GDAP1: variants seen among roughly 807,000 people sequenced by gnomAD.
GDAP1 encodes the protein ganglioside-induced differentiation-associated protein 1.
GDAP1 carries 34 observed loss-of-function variants against 40.1 expected under a neutral mutation model. The observed-to-expected ratio is 0.85, with a 90% CI of 0.64 to 1.13. The LOEUF is 1.13. GDAP1 is among the 50% of genes most tolerant of loss of function. The pLI, the probability that GDAP1 is intolerant of heterozygous loss-of-function variation, is 0.00. For missense variants in GDAP1, 374 were observed against 433.7 expected (o/e 0.86, Z 1.22); for synonymous variants, 170 against 157.4 (o/e 1.08, Z -0.60).
chr8:74,361,882 A>T lies in GDAP1; in HGVS notation c.485-2A>T. ...CTGTTTCCAAAATGTTTTTATTATC[A>T]GGCCAAATTGGAAACACAGAGTCTG... On this transcript the variant is annotated splice_acceptor_variant, in intron 3 of 5. Coordinates refer to ENST00000220822, the MANE Select transcript of GDAP1 (RefSeq NM_018972.4). LOFTEE classifies it high-confidence loss of function. 1 of 1,554,358 alleles carries T rather than the reference A, an allele frequency of 6.4e-7. No homozygotes were observed. The highest frequency in any genetic ancestry group is 2.2e-5 in the East Asian group (1 of 44,566).
intron 2 of GDAP1, among the ~76,000 whole-genome samples, chr8:74,404,741 T>C (rs552508360): frequency 6.7e-6 from 1 of 149,840 alleles, no homozygotes; most frequent in Non-Finnish European, 1.5e-5. Context: ...ATGTCAGTGT[T>C]ATCTCTCCTT....
chr8:74,352,545 A>G (rs1203468450), intron 2 of GDAP1, among the ~76,000 whole-genome samples: 2 of 152,248 alleles, frequency 1.3e-5, no homozygotes, highest in African/African-American at 2.4e-5. Flanking sequence ...GGCAGTGGCG[A>G]GGGGGAAGCC....
chr8:74,463,826 T>C (rs1026726397), intron 2 of GDAP1, among the ~76,000 whole-genome samples: 8 of 152,226 alleles, frequency 5.3e-5, no homozygotes, highest in Non-Finnish European at 1.0e-4. Context: ...CTGTGTATTG[T>C]AGTCATTTAT....
chr8:74,462,125 CAT>C (rs1806409517), intron 2 of GDAP1, among the ~76,000 whole-genome samples: 2 of 152,238 alleles, frequency 1.3e-5, no homozygotes, highest in South Asian at 2.1e-4. Context: ...TATTTTAACA[CAT>C]AAAGATTTAA....
At chr8:74,455,896 A>T (rs949285957) in intron 2 of GDAP1, among the ~76,000 whole-genome samples, 7 of 151,908 alleles carry the variant, frequency 4.6e-5, no homozygotes, top group Admixed American at 1.3e-4. Context: ...ATTCCTAAGG[A>T]TGCTGTTCTT....
chr8:74,373,476 C>T (rs1461813125), intron 2 of GDAP1, among the ~76,000 whole-genome samples: 1 of 152,060 alleles, frequency 6.6e-6, no homozygotes, highest in African/African-American at 2.4e-5. Context: ...CCTTCACATC[C>T]CTTGTAAATT....
intron 2 of GDAP1, among the ~76,000 whole-genome samples, chr8:74,420,044 T>A (rs1805836081): frequency 6.6e-6 from 1 of 152,234 alleles, no homozygotes; most frequent in African/African-American, 2.4e-5. Context: ...TACCACACTG[T>A]TTTAATTACT....
intron 2 of GDAP1, among the ~76,000 whole-genome samples, chr8:74,376,380 A>G (rs10093996): frequency 0.99 from 145,939 of 146,846 alleles, 72,524 homozygotes; most frequent in East Asian, 1. Flanking sequence ...ATGGAGTCTC[A>G]CTCTGTTGCC....
chr8:74,421,064 T>C (rs2131558944), intron 2 of GDAP1, among the ~76,000 whole-genome samples: 1 of 152,242 alleles, frequency 6.6e-6, no homozygotes, highest in Non-Finnish European at 1.5e-5. Flanking sequence ...AGATGATAGA[T>C]AGATAGATAG....
intron 2 of GDAP1, among the ~76,000 whole-genome samples, chr8:74,478,836 T>C (rs1297842651): frequency 2.6e-5 from 4 of 152,142 alleles, no homozygotes; most frequent in East Asian, 1.9e-4. Flanking sequence ...GCCGGAGGAC[T>C]ATGGTGAGAG....
At chr8:74,356,735 AGACGGAGTCTCG>A (rs1809121629) in intron 2 of GDAP1, among the ~76,000 whole-genome samples, 3 of 35,908 alleles carry the variant, frequency 8.4e-5, no homozygotes, top group Non-Finnish European at 2.2e-4. Flanking sequence ...TTTTTTTTTG[AGACGGAGTCTCG>A]CTCTGTCACC....
chr8:74,367,544 A>C (rs188399652), downstream of GDAP1, among the ~76,000 whole-genome samples: 7 of 152,320 alleles, frequency 4.6e-5, no homozygotes, highest in Non-Finnish European at 1.0e-4. Context: ...AGTATGGTAA[A>C]GACATGAAGG....
rs1390830396 is a variant in GDAP1, at chr8:74,407,965, A to G, written c.165+56644A>G. 2.0e-5 allele frequency among the ~76,000 whole-genome samples: 3 copies of G among 149,810 alleles called. 1 individual carries two copies. Among genetic ancestry groups the G allele is most frequent in the African/African-American group, 7.6e-5 (3 of 39,242 alleles). The stretch of plus-strand genomic sequence containing the variant: ...AACTCCCTTAAAACACCAAATTGCA[A>G]GTCTAAAATTTTCTATTTCTTTCCT... On this transcript the variant is annotated intron_variant, in intron 2 of 2. Coordinates refer to the GDAP1 transcript ENST00000523640.
chr8:74,479,986 CTTTTTT>C (rs71271807), intron 2 of GDAP1, among the ~76,000 whole-genome samples: 5 of 102,930 alleles, frequency 4.9e-5, no homozygotes. Context: ...AATGGACTCT[CTTTTTT>C]TTTTTTTTTT....
At chr8:74,402,520 G>T (rs989595719) in intron 2 of GDAP1, among the ~76,000 whole-genome samples, 1 of 150,328 alleles carries the variant, frequency 6.7e-6, no homozygotes, top group African/African-American at 2.5e-5. Flanking sequence ...GTGAGGCAAT[G>T]CCTCGCCCTG....
At chr8:74,461,409 G>C (rs141944202) in intron 2 of GDAP1, among the ~76,000 whole-genome samples, 121 of 152,284 alleles carry the variant, frequency 7.9e-4, no homozygotes, top group African/African-American at 2.4e-3. Flanking sequence ...AATCATGAAA[G>C]ACTGCATTGT....
rs770714080 is a variant in GDAP1, at chr8:74,351,363, G to A, written c.207G>A (p.Met69Ile). ...GTGAGCACAATGAGCCTTGGTTTAT[G>A]CGTTTGAACTCAACTGGAGAAGTGC... The part of the protein sequence containing the change: ...PLSEHNEPWF[M>I]RLNSTGEVPV... The change falls in exon 2 of 6, where the codon ATG (methionine) becomes ATA (isoleucine). Residue 69 changes from methionine to isoleucine, a missense_variant. By Grantham distance (10) the Met-to-Ile change is conservative (BLOSUM62 1). Transcript: ENST00000220822. The A allele has an allele frequency of 1.9e-6, 3 of 1,613,836 alleles. No homozygotes were observed. The highest frequency in any genetic ancestry group is 1.1e-5 in the South Asian group (1 of 91,074).
At position 74,365,247 on chromosome 8, in the gene GDAP1, A is replaced by G. The variant is rs1422173119; in HGVS notation, c.*880A>G. The G allele has an allele frequency of 6.6e-6, 3 of 454,004 alleles. No homozygotes were observed. Among genetic ancestry groups the G allele is most frequent in the Non-Finnish European group, 1.3e-5 (3 of 226,802 alleles). The allele number at this position is 454,004 out of a possible 1,614,324, so 28.1% of individuals were successfully genotyped here. On this transcript the variant is annotated 3_prime_UTR_variant, in exon 6 of 6. Transcript: ENST00000220822. ...TTCGTTTGGGGAGGCTGGTCTGTAA[A>G]CACAAAAATTGTTGTCCAGATCTTT...
chr8:74,423,049 A>G (rs1456301663), intron 2 of GDAP1, among the ~76,000 whole-genome samples: 6 of 147,576 alleles, frequency 4.1e-5, no homozygotes, highest in Non-Finnish European at 8.9e-5. Context: ...ATGCTATTAT[A>G]TGTAATAAAC....
Sources: allele counts gnomAD v4.1 joint callset (sites outside exome capture counted in the v4.1 genomes callset), GRCh38; gene constraint gnomAD v4.1.1; transcripts MANE v1.5; gene names NCBI Gene and HGNC (gene_info 2026-07-23, HGNC 2026-07-21).